The following RIC3 variants were observed in gnomAD, a reference collection of about 807,000 sequenced individuals.
RIC3 encodes the protein protein RIC-3.
Under a neutral mutation model 27.3 loss-of-function variants are expected in RIC3, and 28 were observed. The observed-to-expected ratio is 1.02, with a 90% CI of 0.76 to 1.41. The LOEUF (loss-of-function observed/expected upper bound fraction) is 1.41, where lower values mean the gene tolerates loss of function less well. RIC3 is among the 40% of genes most tolerant of loss of function. RIC3 has a pLI of 0.00. For synonymous variants in RIC3, 184 were observed against 160.4 expected, an observed-to-expected ratio of 1.15 and a Z score of -1.11; for missense variants, 501 against 444.7, an observed-to-expected ratio of 1.13 and a Z score of -1.14.
At chr11:8,113,111 G>A (rs1160720239) in intron 5 of RIC3, among the ~76,000 whole-genome samples, 1 of 152,190 alleles carries the variant, frequency 6.6e-6, no homozygotes, top group African/African-American at 2.4e-5. Context: ...CGGATGGAAT[G>A]CTAGGTAAAG....
chr11:8,128,180 C>T (rs1402896201), intron 4 of RIC3: 1 of 457,262 alleles, frequency 2.2e-6, no homozygotes, highest in African/African-American at 2.0e-5. Flanking sequence ...AAACAACCCA[C>T]TTTGTGTGAG....
chr11:8,136,845 C>T (rs983947737), intron 4 of RIC3, among the ~76,000 whole-genome samples: 1 of 152,306 alleles, frequency 6.6e-6, no homozygotes, highest in South Asian at 2.1e-4. Flanking sequence ...AATTTATTCA[C>T]TTTCACAATA....
chr11:8,113,103 G>A (rs902693551), intron 5 of RIC3, among the ~76,000 whole-genome samples: 8 of 152,138 alleles, frequency 5.3e-5, no homozygotes, highest in Non-Finnish European at 1.2e-4. Context: ...ACTTACTGCG[G>A]ATGGAATGCT....
downstream of RIC3, chr11:8,104,435 T>C (rs1944441298): frequency 6.6e-6 from 1 of 152,230 alleles, no homozygotes; most frequent in African/African-American, 2.4e-5. Context: ...TGTATGTGTG[T>C]GTCTGTGCGT....
intron 5 of RIC3, among the ~76,000 whole-genome samples, chr11:8,121,640 CAG>C (rs1318810550): frequency 6.6e-6 from 1 of 151,894 alleles, no homozygotes; most frequent in Non-Finnish European, 1.5e-5. Context: ...CACTTGAACC[CAG>C]GAGGCAGAGG....
downstream of RIC3, chr11:8,103,807 A>C (rs1479889146): frequency 6.6e-6 from 1 of 152,646 alleles, no homozygotes; most frequent in Non-Finnish European, 1.5e-5. Flanking sequence ...TGATTTTAAG[A>C]TAGAACAGGC....
intron 1 of RIC3, among the ~76,000 whole-genome samples, chr11:8,144,506 C>G (rs1044423747): frequency 3.4e-5 from 5 of 146,740 alleles, no homozygotes; most frequent in African/African-American, 1.3e-4. Context: ...GTTAGAATGG[C>G]AATCATTAAA....
chr11:8,099,810 A>G, the RIC3 span, among the ~76,000 whole-genome samples: 1 of 152,186 alleles, frequency 6.6e-6, no homozygotes, highest in East Asian at 1.9e-4. Flanking sequence ...GAAGTGAAAA[A>G]CAGCAGTGTA....
At chr11:8,160,700 G>A (rs984954190) in intron 1 of RIC3, among the ~76,000 whole-genome samples, 2 of 152,176 alleles carry the variant, frequency 1.3e-5, no homozygotes, top group African/African-American at 2.4e-5. Flanking sequence ...AGAAGAAGAA[G>A]AGTGCAGGGA....
chr11:8,096,010 C>T, the RIC3 span, among the ~76,000 whole-genome samples: 4 of 152,220 alleles, frequency 2.6e-5, no homozygotes, highest in Non-Finnish European at 4.4e-5. Context: ...GTTTTCCCAC[C>T]ACAAGCCCTG....
chr11:8,146,922 G>T (rs1249651172), intron 1 of RIC3, among the ~76,000 whole-genome samples: 2 of 152,252 alleles, frequency 1.3e-5, no homozygotes, highest in East Asian at 3.9e-4. Flanking sequence ...GACTTCTGAG[G>T]GAGTAGATTG....
downstream of RIC3, chr11:8,105,910 G>A (rs2133955582): frequency 6.6e-6 from 1 of 151,974 alleles, no homozygotes; most frequent in South Asian, 2.1e-4. Flanking sequence ...GCTCGGTCAG[G>A]AGGGTGCAGT....
intron 4 of RIC3, among the ~76,000 whole-genome samples, chr11:8,127,741 CAAGTT>C (rs1947164665): frequency 6.6e-6 from 1 of 152,136 alleles, no homozygotes; most frequent in Non-Finnish European, 1.5e-5. Context: ...AACCCAGACA[CAAGTT>C]AATACAACAC....
intron 1 of RIC3, 90 bp downstream of exon 1, chr11:8,168,776 C>T: frequency 1.3e-6 from 2 of 1,502,670 alleles, no homozygotes; most frequent in Non-Finnish European, 8.9e-7. Flanking sequence ...TCGGTGAAGG[C>T]TGCAGACTCT....
intron 1 of RIC3, among the ~76,000 whole-genome samples, 192 bp downstream of exon 1, chr11:8,168,674 C>G (rs1017465729): frequency 2.0e-5 from 3 of 152,248 alleles, no homozygotes; most frequent in African/African-American, 7.2e-5. Context: ...GCAGAACCAT[C>G]TGGGCCGCCA....
At chr11:8,119,475 G>A (rs1590107178) in intron 5 of RIC3, among the ~76,000 whole-genome samples, 1 of 152,160 alleles carries the variant, frequency 6.6e-6, no homozygotes, top group Admixed American at 6.5e-5. Context: ...ATGGTGCTGG[G>A]AAAACTGGCT....
the RIC3 span, chr11:8,100,444 A>G: frequency 1.7e-4 from 238 of 1,371,102 alleles, no homozygotes; most frequent in Middle Eastern, 7.7e-4. Flanking sequence ...CGTCCCCCCC[A>G]CCTTCTCCAG....
chr11:8,094,066 G>A, the RIC3 span: 19 of 1,614,026 alleles, frequency 1.2e-5, no homozygotes, highest in Admixed American at 8.3e-5. Context: ...CGACTCACTC[G>A]CCAGTGTGCA....
the RIC3 span, chr11:8,096,785 T>C: frequency 3.7e-6 from 6 of 1,614,172 alleles, no homozygotes; most frequent in Non-Finnish European, 5.1e-6. Flanking sequence ...CCAGCTCTGC[T>C]ACTAGCAGGA....
Sources: gnomAD v4.1 joint callset for allele counts (sites outside exome capture counted in the v4.1 genomes callset) on GRCh38, gnomAD v4.1.1 for gene constraint, MANE v1.5 for transcripts, NCBI Gene and HGNC (gene_info 2026-07-23, HGNC 2026-07-21) for gene names.